The following CIPC variants were observed in gnomAD, a reference collection of about 807,000 sequenced individuals.
CIPC encodes the protein CLOCK interacting pacemaker.
CIPC carries 12 observed loss-of-function variants against 26.7 expected under a neutral mutation model. The observed-to-expected ratio is 0.45, with a 90% CI of 0.29 to 0.73. CIPC has a LOEUF of 0.73. Among genes scored for constraint, CIPC ranks in the 30% least tolerant of loss-of-function variants. CIPC has a pLI of 0.12. For missense variants in CIPC, 417 were observed against 486.5 expected, an observed-to-expected ratio of 0.86 and a Z score of 1.34; for synonymous variants, 170 against 189.8, an observed-to-expected ratio of 0.90 and a Z score of 0.86.
At chr14:77,105,880 T>TG in intron 2 of CIPC, 36 bp downstream of exon 2, 1 of 1,607,816 alleles carries the variant, frequency 6.2e-7, no homozygotes, top group Non-Finnish European at 8.5e-7. Context: ...GTTTTGTGAG[T>TG]GAATGCTTTG....
chr14:77,100,725 C>T (rs187723015), intron 1 of CIPC, among the ~76,000 whole-genome samples: 10 of 150,648 alleles, frequency 6.6e-5, no homozygotes, highest in East Asian at 2.0e-4. Context: ...TGTGCCACCA[C>T]ACCCAGCTAA....
At chr14:77,108,876 T>A (rs1886642258) in intron 2 of CIPC, among the ~76,000 whole-genome samples, 2 of 152,344 alleles carry the variant, frequency 1.3e-5, no homozygotes, top group African/African-American at 4.8e-5. Context: ...TCAAATTGTC[T>A]CAAATTTGAC....
At chr14:77,111,503 T>C (rs1017682980) in intron 3 of CIPC, among the ~76,000 whole-genome samples, 2 of 152,242 alleles carry the variant, frequency 1.3e-5, no homozygotes, top group African/African-American at 4.8e-5. Context: ...TTATGGCTGC[T>C]TGGTTTTAGA....
chr14:77,102,014 AG>A lies in CIPC; in HGVS notation c.-52-3641del, dbSNP rs376532970. ...GGCAGGAGGATCACTTTAGCCCAGG[AG>A]GTCGAGTCTGCAGTTAGCTGTGATC... On this transcript the variant is annotated intron_variant, in intron 1 of 3. Coordinates refer to ENST00000361786, the MANE Select transcript of CIPC (RefSeq NM_033426.3). Among the ~76,000 whole-genome samples, 860 of 152,324 alleles carry A rather than the reference AG, an allele frequency of 5.6e-3. 6 individuals are homozygous for A. The highest frequency in any genetic ancestry group is 0.019 in the African/African-American group (790 of 41,572).
intron 1 of CIPC, among the ~76,000 whole-genome samples, chr14:77,104,931 T>G (rs1886562083): frequency 6.6e-6 from 1 of 152,218 alleles, no homozygotes; most frequent in South Asian, 2.1e-4. Flanking sequence ...GAATGTAACT[T>G]ATCTGAGCCT....
Position 77,113,426 on chromosome 14 carries a change from G to T in CIPC, c.308G>T (p.Gly103Val). The change falls in exon 4 of 4, where the codon GGC (glycine) becomes GTC (valine). Residue 103 changes from glycine to valine, a missense_variant and splice_region_variant. Transcript: ENST00000361786. ...GCTGCTCTCCTCCTTTGTCTTCAGG[G>T]CAGCAGCTCATCCCAGCTCCAGTCG... ...VVMKNVLVKQGSSSSQLQSWT... is the reference protein window; with the variant it reads ...VVMKNVLVKQVSSSSQLQSWT... 6 of 1,613,962 alleles carry T rather than the reference G, an allele frequency of 3.7e-6. No individual in the cohort carries two copies. Among genetic ancestry groups the T allele is most frequent in the Non-Finnish European group, 5.1e-6 (6 of 1,180,000 alleles).
intron 1 of CIPC, among the ~76,000 whole-genome samples, chr14:77,102,908 A>G (rs1306237235): frequency 6.6e-6 from 1 of 152,246 alleles, no homozygotes; most frequent in Non-Finnish European, 1.5e-5. Context: ...AAAAGGATCC[A>G]ATTTAATTAG....
chr14:77,114,357 T>C lies in CIPC; in HGVS notation c.*39T>C, dbSNP rs1432429416. The C allele has an allele frequency of 2.6e-6, 4 of 1,540,062 alleles. No individual in the cohort carries two copies. The highest frequency in any genetic ancestry group is 1.7e-6 in the Non-Finnish European group (2 of 1,145,552). ...TTTCCTGTTACTTGAGTGGTTCTTT[T>C]AGCTCATTTGCTGTTACCTACTCCT... is the stretch of plus-strand genomic sequence containing the variant. On this transcript the variant is annotated 3_prime_UTR_variant, in exon 4 of 4. Coordinates refer to ENST00000361786, the MANE Select transcript of CIPC (RefSeq NM_033426.3).
At chr14:77,101,982 A>C (rs1032573457) in intron 1 of CIPC, among the ~76,000 whole-genome samples, 1 of 152,160 alleles carries the variant, frequency 6.6e-6, no homozygotes, top group African/African-American at 2.4e-5. Flanking sequence ...GCTACTCAGG[A>C]GGCTAGGGCA....
At chr14:77,107,904 C>A (rs1886622418) in intron 2 of CIPC, among the ~76,000 whole-genome samples, 1 of 152,190 alleles carries the variant, frequency 6.6e-6, no homozygotes, top group South Asian at 2.1e-4. Context: ...CAGAATCCAA[C>A]TGAAGATTGA....
chr14:77,113,558 A>C lies in CIPC; in HGVS notation c.440A>C (p.Lys147Thr). The C allele has an allele frequency of 6.2e-7, 1 of 1,614,214 alleles. No homozygotes were observed. The highest frequency in any genetic ancestry group is 1.1e-5 in the South Asian group (1 of 91,078). Reference sequence around the variant, plus strand: ...AGTCCATGTCACACTGGTGAGAAAAAGTCCGACTCCAGGAACTACTTGCCC... The same window carrying C: ...AGTCCATGTCACACTGGTGAGAAAACGTCCGACTCCAGGAACTACTTGCCC... ...PVSPCHTGEK[K>T]SDSRNYLPIL... The change falls in exon 4 of 4, where the codon AAG becomes ACG. Residue 147 changes from lysine to threonine, a missense_variant. By Grantham distance (78) the Lys-to-Thr change is moderately conservative. Transcript: ENST00000361786.
chr14:77,114,439 C>G lies in CIPC; in HGVS notation c.*121C>G. 8.8e-7 allele frequency: 1 copy of G among 1,136,968 alleles called. No individual in the cohort carries two copies. The highest frequency in any genetic ancestry group is 1.3e-6 in the Non-Finnish European group (1 of 797,540). 70.4% of individuals were successfully genotyped at this position (1,136,968 alleles called of 1,614,324 possible). A position where few individuals can be genotyped will look rare whatever the true frequency, so the allele number is the denominator to read the frequency against. ...TCTAAACTTAAACTGTGTTGTGGTT[C>G]ACTTAGGAAGCCACGTGCCAATACC... On this transcript the variant is annotated 3_prime_UTR_variant, in exon 4 of 4. Coordinates refer to ENST00000361786, the MANE Select transcript of CIPC (RefSeq NM_033426.3).
At chr14:77,109,111 G>C (rs191422464) in intron 2 of CIPC, among the ~76,000 whole-genome samples, 1 of 152,174 alleles carries the variant, frequency 6.6e-6, no homozygotes, top group African/African-American at 2.4e-5. Context: ...CATTGCTTCT[G>C]GGCTCATTTG....
rs1321661816 is a variant in CIPC, at chr14:77,115,369, C to T, written c.*1051C>T. ...GAAAGCATCTTACCCATTTTCTTCA[C>T]ATCCCAAATTTTTATTTGTTCCATG... is the stretch of plus-strand genomic sequence containing the variant. On this transcript the variant is annotated 3_prime_UTR_variant, in exon 4 of 4. Coordinates refer to ENST00000361786, the MANE Select transcript of CIPC (RefSeq NM_033426.3). 2 of 151,982 alleles carry T rather than the reference C, an allele frequency of 1.3e-5. No individual in the cohort carries two copies. The highest frequency in any genetic ancestry group is 4.8e-5 in the African/African-American group (2 of 41,380). The allele number at this position is 151,982 out of a possible 1,614,324, so 9.4% of individuals were successfully genotyped here. A position where few individuals can be genotyped will look rare whatever the true frequency, so the allele number is the denominator to read the frequency against.
intron 1 of CIPC, among the ~76,000 whole-genome samples, chr14:77,101,223 G>T (rs184169976): frequency 1.2e-3 from 178 of 152,248 alleles, no homozygotes; most frequent in African/African-American, 4.0e-3. Flanking sequence ...CAAATTTTGG[G>T]GTTGAGAGCA....
chr14:77,105,951 A>C (rs1886583926), intron 2 of CIPC, 107 bp downstream of exon 2: 11 of 1,339,024 alleles, frequency 8.2e-6, no homozygotes, highest in Non-Finnish European at 1.1e-5. Context: ...TTTCACACAC[A>C]GGATAAATAC....
In CIPC at chr14:77,114,376, T is replaced by C. The variant is rs1886767648; in HGVS notation, c.*58T>C. The C allele has an allele frequency of 1.3e-6, 2 of 1,481,938 alleles. No homozygotes were observed. Among genetic ancestry groups the C allele is most frequent in the East Asian group, 4.5e-5 (2 of 44,040 alleles). The allele number at this position is 1,481,938 out of a possible 1,614,324, so 91.8% of individuals were successfully genotyped here. On this transcript the variant is annotated 3_prime_UTR_variant, in exon 4 of 4. Coordinates refer to ENST00000361786, the MANE Select transcript of CIPC (RefSeq NM_033426.3). ...TTCTTTTAGCTCATTTGCTGTTACC[T>C]ACTCCTGTTTCCCAAAGCTTATGTA...
In CIPC at chr14:77,116,318, G is replaced by A. The variant is rs1024204419; in HGVS notation, c.*2000G>A. 7 of 152,156 alleles carry A rather than the reference G, an allele frequency of 4.6e-5. No homozygotes were observed. In the East Asian group the frequency reaches 5.8e-4, roughly 13 times the overall value. 9.4% of individuals were successfully genotyped at this position (152,156 alleles called of 1,614,324 possible). ...TCTTTGCTTCCCCTGAATCTGTGTGGTACTATAGCAGCTCTACTCTGTGCA... is the reference window on the plus strand; with the variant it reads ...TCTTTGCTTCCCCTGAATCTGTGTGATACTATAGCAGCTCTACTCTGTGCA... On this transcript the variant is annotated 3_prime_UTR_variant, in exon 4 of 4. Coordinates refer to ENST00000361786, the MANE Select transcript of CIPC (RefSeq NM_033426.3).
chr14:77,100,874 C>T (rs1156782648), intron 1 of CIPC, among the ~76,000 whole-genome samples: 1 of 152,104 alleles, frequency 6.6e-6, no homozygotes, highest in Admixed American at 6.6e-5. Flanking sequence ...CGGCCTGATT[C>T]ACTTTCCATT....
Sources: allele counts gnomAD v4.1 joint callset (sites outside exome capture counted in the v4.1 genomes callset), GRCh38; gene constraint gnomAD v4.1.1; transcripts MANE v1.5; gene names NCBI Gene and HGNC (gene_info 2026-07-23, HGNC 2026-07-21).